Variants in CYS1 observed in about 807,000 individuals in gnomAD.
The protein encoded by CYS1 is cystin-1.
Under a neutral mutation model 9.6 loss-of-function variants are expected in CYS1, and 5 were observed. The observed-to-expected ratio is 0.52, with a 90% CI of 0.27 to 1.10. The LOEUF (loss-of-function observed/expected upper bound fraction) is 1.10. CYS1 is among the 50% of genes least tolerant of loss of function. CYS1 has a pLI of 0.11. For missense variants in CYS1, 221 were observed against 207.9 expected, an observed-to-expected ratio of 1.06 and a Z score of -0.39; for synonymous variants, 88 against 95.7, an observed-to-expected ratio of 0.92 and a Z score of 0.47.
intron 1 of CYS1, 140 bp from the exon 2 acceptor site, chr2:10,066,096 C>T: frequency 1.1e-6 from 1 of 905,404 alleles, no homozygotes; most frequent in Non-Finnish European, 1.7e-6. Flanking sequence ...GGCTCTCGAG[C>T]TGTCAAGTTC....
intron 2 of CYS1, among the ~76,000 whole-genome samples, chr2:10,062,013 CTT>C (rs747987769): frequency 2.1e-5 from 3 of 143,412 alleles, no homozygotes; most frequent in African/African-American, 2.5e-5. Flanking sequence ...TAAAGTCATG[CTT>C]TTTTTTTTTT....
intron 2 of CYS1, among the ~76,000 whole-genome samples, 164 bp downstream of exon 2, chr2:10,065,740 A>G (rs1661686406): frequency 6.6e-6 from 1 of 152,236 alleles, no homozygotes; most frequent in African/African-American, 2.4e-5. Flanking sequence ...TCTCCTTGGC[A>G]GGACCTTCCC....
Position 10,063,781 on chromosome 2 carries a change from G to C in CYS1, c.371+2123C>G, listed in dbSNP as rs1458263006. On this transcript the variant is annotated intron_variant, in intron 2 of 2. Coordinates refer to ENST00000381813, the MANE Select transcript of CYS1 (RefSeq NM_001037160.3). The surrounding 1 kb of genome is among the most constrained non-coding windows in gnomAD (Gnocchi z 4.2). ...GGCAGCGAGAAGCACAGTGGGTACA[G>C]GGCAGATGCTGCCAGCCCTGACCCT... 2.6e-5 allele frequency among the ~76,000 whole-genome samples: 4 copies of C among 152,206 alleles called. No individual in the cohort carries two copies. Among genetic ancestry groups the C allele is most frequent in the African/African-American group, 9.7e-5 (4 of 41,438 alleles).
chr2:10,066,038 C>A, intron 1 of CYS1, 82 bp from the exon 2 acceptor site: 1 of 1,469,898 alleles, frequency 6.8e-7, no homozygotes, highest in South Asian at 1.1e-5. Flanking sequence ...TGTGGACAGA[C>A]GATGGCCACC....
chr2:10,072,392 A>G (rs919340594), intron 1 of CYS1, among the ~76,000 whole-genome samples: 1 of 152,210 alleles, frequency 6.6e-6, no homozygotes, highest in Non-Finnish European at 1.5e-5. Flanking sequence ...CCCGGCCCAA[A>G]GGTTACTTTT....
chr2:10,061,130 G>T (rs1661621023), intron 2 of CYS1, among the ~76,000 whole-genome samples: 1 of 152,216 alleles, frequency 6.6e-6, no homozygotes, highest in Non-Finnish European at 1.5e-5. Context: ...TACTCAGGAG[G>T]CTGAGGCTGG....
intron 2 of CYS1, among the ~76,000 whole-genome samples, chr2:10,062,798 C>G (rs1388450042): frequency 6.6e-6 from 1 of 152,208 alleles, no homozygotes; most frequent in Non-Finnish European, 1.5e-5. Context: ...GAGGAGTAAC[C>G]TCTCTCACCA....
intron 1 of CYS1, among the ~76,000 whole-genome samples, chr2:10,079,314 C>G (rs1298975195): frequency 2.2e-4 from 34 of 152,104 alleles, no homozygotes; most frequent in Admixed American, 2.2e-3. Context: ...AGCCCGGGAG[C>G]GGATGTTAAA....
intron 2 of CYS1, among the ~76,000 whole-genome samples, chr2:10,059,853 C>T (rs953096640): frequency 6.6e-6 from 1 of 152,252 alleles, no homozygotes; most frequent in Non-Finnish European, 1.5e-5. Flanking sequence ...GGCAGCCCAG[C>T]TGAGAGGGAC....
chr2:10,078,155 A>G (rs150605860), intron 1 of CYS1, among the ~76,000 whole-genome samples: 33 of 151,606 alleles, frequency 2.2e-4, no homozygotes, highest in Non-Finnish European at 2.4e-4. Flanking sequence ...GTTCACACCC[A>G]GAAGGGCAAC....
intron 1 of CYS1, among the ~76,000 whole-genome samples, chr2:10,079,601 C>T (rs983216851): frequency 2.0e-5 from 3 of 151,854 alleles, no homozygotes; most frequent in Non-Finnish European, 4.4e-5. Flanking sequence ...CAGGGCGGCC[C>T]GGGAAGGCCA....
intron 1 of CYS1, among the ~76,000 whole-genome samples, chr2:10,068,613 A>G (rs1265064248): frequency 6.6e-6 from 1 of 152,236 alleles, no homozygotes; most frequent in Non-Finnish European, 1.5e-5. Context: ...AGAGCTTGCA[A>G]GATCTTTCTG....
intron 2 of CYS1, among the ~76,000 whole-genome samples, chr2:10,064,896 G>GTT (rs77778372): frequency 3.1e-4 from 41 of 131,796 alleles, no homozygotes; most frequent in Middle Eastern, 7.9e-3. Flanking sequence ...TTTTGTTTTT[G>GTT]TTTTTTTTTT....
chr2:10,073,102 G>A (rs1661794328), intron 1 of CYS1, among the ~76,000 whole-genome samples: 1 of 151,580 alleles, frequency 6.6e-6, no homozygotes, highest in African/African-American at 2.4e-5. Flanking sequence ...GGCTGTGTGG[G>A]AGTGGTGCAG....
intron 1 of CYS1, among the ~76,000 whole-genome samples, chr2:10,070,601 C>G (rs1661754195): frequency 6.6e-6 from 1 of 152,106 alleles, no homozygotes; most frequent in Non-Finnish European, 1.5e-5. Flanking sequence ...TCGCTTCAGC[C>G]TCCCAAAGTG....
chr2:10,065,905 C>CA lies in CYS1; in HGVS notation c.369dup (p.Glu124Ter), dbSNP rs1288178507. 1.2e-6 allele frequency: 2 copies of CA among 1,614,108 alleles called. No homozygotes were observed. Among genetic ancestry groups the CA allele is most frequent in the African/African-American group, 1.3e-5 (1 of 74,934 alleles). ...GAGATGTGCCTCCCTGGTACTTACT[C>CA]AGAGACATTGCCGCTCCCCGGGTGG... On this transcript the variant is annotated frameshift_variant and splice_region_variant, in exon 2 of 3. Coordinates refer to ENST00000381813, the MANE Select transcript of CYS1 (RefSeq NM_001037160.3). LOFTEE classifies it low-confidence loss of function (END_TRUNC).
rs1452295854 is a variant in CYS1, at chr2:10,057,134, A to T, written c.*1719T>A. The T allele has an allele frequency of 1.3e-5, 2 of 152,276 alleles. No homozygotes were observed. Among genetic ancestry groups the T allele is most frequent in the Non-Finnish European group, 2.9e-5 (2 of 68,050 alleles). The allele number at this position is 152,276 out of a possible 1,614,324, so 9.4% of individuals were successfully genotyped here. ...AACAAAATGACATAAAATTACAAAC[A>T]TTTACATGTTTAAATTCAAAGCCTG... On this transcript the variant is annotated 3_prime_UTR_variant, in exon 3 of 3. Transcript: ENST00000381813.
intron 1 of CYS1, among the ~76,000 whole-genome samples, chr2:10,071,256 C>T (rs532906314): frequency 6.6e-5 from 10 of 152,238 alleles, no homozygotes; most frequent in Non-Finnish European, 1.0e-4. Flanking sequence ...CGTGAGCCAC[C>T]GTGCCCGGCT....
intron 1 of CYS1, among the ~76,000 whole-genome samples, chr2:10,072,692 C>T (rs755257298): frequency 6.6e-6 from 1 of 152,238 alleles, no homozygotes; most frequent in Non-Finnish European, 1.5e-5. Context: ...ACTCCTACAA[C>T]GGCTCTCCTG....
Sources: allele counts gnomAD v4.1 joint callset (sites outside exome capture counted in the v4.1 genomes callset), GRCh38; gene constraint gnomAD v4.1.1; non-coding constraint Gnocchi (gnomAD v3.1); transcripts MANE v1.5; gene names NCBI Gene and HGNC (gene_info 2026-07-23, HGNC 2026-07-21).